WNT2B: variants seen among roughly 807,000 people sequenced by gnomAD.
The protein encoded by WNT2B is protein Wnt-2b.
WNT2B carries 19 observed loss-of-function variants against 40.5 expected under a neutral mutation model. That is an observed-to-expected ratio of 0.47 (90% CI 0.33 to 0.69). The LOEUF is 0.69. Among genes scored for constraint, WNT2B ranks in the 30% least tolerant of loss-of-function variants. The pLI, the probability that WNT2B is intolerant of heterozygous loss-of-function variation, is 0.02. For synonymous variants in WNT2B, 220 were observed against 211.9 expected (o/e 1.04, Z -0.33); for missense variants, 467 against 556.4 (o/e 0.84, Z 1.62).
At chr1:112,470,128 G>A (rs1317442257) in intron 1 of WNT2B, among the ~76,000 whole-genome samples, 1 of 152,098 alleles carries the variant, frequency 6.6e-6, no homozygotes, top group African/African-American at 2.4e-5. Context: ...CTTTCAGATT[G>A]AAGAACTCTT....
upstream of WNT2B, among the ~76,000 whole-genome samples, chr1:112,504,859 C>G (rs770974516): frequency 6.6e-6 from 1 of 152,042 alleles, no homozygotes; most frequent in East Asian, 1.9e-4. Flanking sequence ...AGAAGGTCAT[C>G]GCCAAAGGGG....
chr1:112,476,490 T>G (rs1403717079), intron 1 of WNT2B, among the ~76,000 whole-genome samples: 1 of 151,188 alleles, frequency 6.6e-6, no homozygotes, highest in Non-Finnish European at 1.5e-5. Context: ...CAGAGTACAA[T>G]GAAAAACTTG....
intron 1 of WNT2B, among the ~76,000 whole-genome samples, chr1:112,489,403 A>G (rs1462010836): frequency 6.6e-6 from 1 of 151,992 alleles, no homozygotes; most frequent in Non-Finnish European, 1.5e-5. Context: ...TACTAAAAAT[A>G]CAAAAAAAAA....
rs754416886 is a variant in WNT2B, at chr1:112,517,261, G to A, written c.822G>A (p.Gln274=). ...YLRRRYDGAV[Q]VMATQDGANF... Reference sequence around the variant, plus strand: ...GGCGACGCTATGATGGGGCTGTGCAGGTGATGGCCACCCAAGATGGTGCCA... The same window carrying A: ...GGCGACGCTATGATGGGGCTGTGCAAGTGATGGCCACCCAAGATGGTGCCA... The change falls in exon 4 of 5, where the codon CAG becomes CAA. Residue 274 remains glutamine (Q), a synonymous_variant. Transcript: ENST00000369684. 8 of 1,614,110 alleles carry A rather than the reference G, an allele frequency of 5.0e-6. No individual in the cohort carries two copies. Among genetic ancestry groups the A allele is most frequent in the African/African-American group, 1.3e-5 (1 of 74,938 alleles).
chr1:112,502,241 G>C (rs992902663), intron 1 of WNT2B, among the ~76,000 whole-genome samples: 2 of 152,120 alleles, frequency 1.3e-5, no homozygotes, highest in African/African-American at 4.8e-5. Flanking sequence ...TCAGGAGCGC[G>C]TCCCCGTGCC....
Position 112,499,305 on chromosome 1 carries a change from T to C in WNT2B, c.-94-15569T>C, listed in dbSNP as rs531374605. Among the ~76,000 whole-genome samples, 17 of 152,212 alleles carry C rather than the reference T, an allele frequency of 1.1e-4. No homozygotes were observed. In the South Asian group the frequency reaches 3.3e-3, roughly 30 times the overall value. On this transcript the variant is annotated intron_variant, in intron 1 of 4. Transcript: ENST00000256640. ...AGCAGAGGACATACTTCCTAACTTA[T>C]TCTATAAGTCCAGCATTACTCTAAT...
In WNT2B at chr1:112,527,314, CTA is replaced by C. The variant is rs981343399; in HGVS notation, c.*6808_*6809del. Reference sequence around the variant, plus strand: ...AGAACACCTCATGAAAACAGTCTACCTATAGTCAGGACTTCCCCAAGGCAGAC... The same window carrying C: ...AGAACACCTCATGAAAACAGTCTACCTAGTCAGGACTTCCCCAAGGCAGAC... On this transcript the variant is annotated 3_prime_UTR_variant, in exon 5 of 5. Transcript: ENST00000369684. 4 of 152,370 alleles carry C rather than the reference CTA, an allele frequency of 2.6e-5. No homozygotes were observed. Among genetic ancestry groups the C allele is most frequent in the Non-Finnish European group, 5.9e-5 (4 of 68,100 alleles). 9.4% of individuals were successfully genotyped at this position (152,370 alleles called of 1,614,324 possible). A position where few individuals can be genotyped will look rare whatever the true frequency, so the allele number is the denominator to read the frequency against.
At position 112,509,197 on chromosome 1, in the gene WNT2B, G is replaced by C; in HGVS notation, c.-66G>C. 7.0e-7 allele frequency: 1 copy of C among 1,429,966 alleles called. No individual in the cohort carries two copies. The highest frequency in any genetic ancestry group is 9.1e-7 in the Non-Finnish European group (1 of 1,103,446). 88.6% of individuals were successfully genotyped at this position (1,429,966 alleles called of 1,614,324 possible). ...CAGGGGGGTGAGGTAGGAGCAGCCT[G>C]AGTACCCCCAGAAGGTGCCCCGTCC... On this transcript the variant is annotated 5_prime_UTR_variant, in exon 1 of 5. The change abolishes the stop of an existing upstream ORF in the 5' untranslated region. Coordinates refer to ENST00000369684, the MANE Select transcript of WNT2B (RefSeq NM_024494.3). The surrounding 1 kb of genome is among the most constrained non-coding windows in gnomAD (Gnocchi z 4.2).
At position 112,514,899 on chromosome 1, in the gene WNT2B, G is replaced by A; in HGVS notation, c.208G>A (p.Val70Met). 1 of 1,614,258 alleles carries A rather than the reference G, an allele frequency of 6.2e-7. No individual in the cohort carries two copies. Among genetic ancestry groups the A allele is most frequent in the Non-Finnish European group, 8.5e-7 (1 of 1,180,040 alleles). Reference sequence around the variant, plus strand: ...GTACATTGGGGCACTGGGGGCACGAGTGATCTGTGACAATATCCCTGGTTT... The same window carrying A: ...GTACATTGGGGCACTGGGGGCACGAATGATCTGTGACAATATCCCTGGTTT... ...WWYIGALGAR[V>M]ICDNIPGLVS... Residue 70 changes from valine (V) to methionine (M), a missense_variant, in exon 2 of 5, where the codon GTG becomes ATG. Transcript: ENST00000369684.
chr1:112,490,961 C>T, intron 1 of WNT2B: 1 of 1,548,222 alleles, frequency 6.5e-7, no homozygotes, highest in Non-Finnish European at 8.9e-7. Context: ...TGCTGAAAAT[C>T]CATAGCATTT....
intron 1 of WNT2B, among the ~76,000 whole-genome samples, chr1:112,485,523 C>G (rs1444686772): frequency 6.6e-6 from 1 of 150,752 alleles, no homozygotes; most frequent in African/African-American, 2.4e-5. Context: ...AAATAAAGAA[C>G]TATATCACCA....
chr1:112,508,863 C>T (rs13373888), upstream of WNT2B: 27 of 1,011,196 alleles, frequency 2.7e-5, no homozygotes, highest in Non-Finnish European at 3.1e-5. The surrounding 1 kb of genome is among the most constrained non-coding windows in gnomAD (Gnocchi z 4.2). Flanking sequence ...CGGAGCGCCC[C>T]GGGCTTGGCG....
intron 1 of WNT2B, among the ~76,000 whole-genome samples, chr1:112,486,113 G>T (rs537919055): frequency 9.6e-6 from 1 of 103,876 alleles, no homozygotes; most frequent in South Asian, 2.8e-4. Context: ...GACCAGCCTG[G>T]GCAAGATAAT....
chr1:112,475,690 A>G (rs887204683), intron 1 of WNT2B, among the ~76,000 whole-genome samples: 1 of 152,214 alleles, frequency 6.6e-6, no homozygotes, highest in Non-Finnish European at 1.5e-5. Context: ...CATGAAAAAA[A>G]GCAAAACAAA....
At chr1:112,511,693 CTTTCCTGTTTCATT>C (rs1652357251) in intron 1 of WNT2B, among the ~76,000 whole-genome samples, 1 of 152,202 alleles carries the variant, frequency 6.6e-6, no homozygotes, top group Non-Finnish European at 1.5e-5. Flanking sequence ...CCGGCATGTG[CTTTCCTGTTTCATT>C]TTGCATTCTG....
rs1653138565 is a variant in WNT2B at position 112,524,677 on chromosome 1, A to C, written c.*4168A>C. Reference sequence around the variant, plus strand: ...TACGGGGGTTGGGCATCTTTGAAGCAATGTTGGATAACAAGAAAGAGATGC... The same window carrying C: ...TACGGGGGTTGGGCATCTTTGAAGCCATGTTGGATAACAAGAAAGAGATGC... On this transcript the variant is annotated 3_prime_UTR_variant, in exon 5 of 5. Coordinates refer to ENST00000369684, the MANE Select transcript of WNT2B (RefSeq NM_024494.3). 6.6e-6 allele frequency: 1 copy of C among 152,446 alleles called. No homozygotes were observed. The highest frequency in any genetic ancestry group is 2.1e-4 in the South Asian group (1 of 4,826). 9.4% of individuals were successfully genotyped at this position (152,446 alleles called of 1,614,324 possible).
At chr1:112,519,078 C>T (rs1051409503) in intron 4 of WNT2B, among the ~76,000 whole-genome samples, 1 of 152,084 alleles carries the variant, frequency 6.6e-6, no homozygotes, top group Non-Finnish European at 1.5e-5. Flanking sequence ...GTTTTTGGTG[C>T]CCAAGAGGAC....
chr1:112,519,584 C>G (rs1264204203), intron 4 of WNT2B, among the ~76,000 whole-genome samples: 1 of 152,058 alleles, frequency 6.6e-6, no homozygotes, highest in Non-Finnish European at 1.5e-5. Flanking sequence ...AAAACATGAT[C>G]CCTATCCTAG....
At chr1:112,469,767 C>T (rs1650816988) in intron 1 of WNT2B, among the ~76,000 whole-genome samples, 1 of 152,040 alleles carries the variant, frequency 6.6e-6, no homozygotes, top group Non-Finnish European at 1.5e-5. Context: ...GCACATGCCA[C>T]CATGCCTGGC....
Sources: gnomAD v4.1 joint callset for allele counts (sites outside exome capture counted in the v4.1 genomes callset) on GRCh38, gnomAD v4.1.1 for gene constraint, Gnocchi (gnomAD v3.1) non-coding constraint, MANE v1.5 for transcripts, NCBI Gene and HGNC (gene_info 2026-07-23, HGNC 2026-07-21) for gene names.